Variants in CHD6 observed in about 807,000 individuals in gnomAD.
CHD6 encodes ATP-dependent chromatin remodeler CHD6.
A neutral mutation model predicts 276.9 loss-of-function variants in CHD6; 50 were observed. The ratio of observed to expected loss-of-function variants is 0.18; its 90% confidence interval spans 0.14 to 0.23. CHD6 has a LOEUF of 0.23. Among genes scored for constraint, CHD6 ranks in the 10% least tolerant of loss-of-function variants. The pLI is 1.00. For missense variants in CHD6, 2,564 were observed against 3,365.8 expected (o/e 0.76, Z 5.89); for synonymous variants, 1,173 against 1,229.3 (o/e 0.95, Z 0.96).
intron 27 of CHD6, among the ~76,000 whole-genome samples, chr20:41,427,286 C>A (rs1157976403): frequency 6.6e-6 from 1 of 151,658 alleles, no homozygotes; most frequent in East Asian, 1.9e-4. Context: ...GCCCCTGATA[C>A]GACGCAAAGA....
chr20:41,458,502 C>A (rs952565761), intron 17 of CHD6, among the ~76,000 whole-genome samples: 1 of 151,958 alleles, frequency 6.6e-6, no homozygotes, highest in South Asian at 2.1e-4. Flanking sequence ...AAAAGGAAGA[C>A]GAGAATCAAC....
At chr20:41,587,629 A>G (rs1294513302) in intron 1 of CHD6, among the ~76,000 whole-genome samples, 3 of 152,194 alleles carry the variant, frequency 2.0e-5, no homozygotes. Flanking sequence ...GTAAGTGGGG[A>G]ACTGATCACA....
At chr20:41,491,339 T>TA (rs1231639143) in intron 11 of CHD6, among the ~76,000 whole-genome samples, 1 of 148,846 alleles carries the variant, frequency 6.7e-6, no homozygotes, top group African/African-American at 2.4e-5. Context: ...TATATATATA[T>TA]TTTTTGGTTT....
chr20:41,431,762 G>A (rs1204520603), intron 27 of CHD6, among the ~76,000 whole-genome samples: 3 of 114,926 alleles, frequency 2.6e-5, no homozygotes, highest in Non-Finnish European at 5.5e-5. Context: ...GGAATGACAT[G>A]ATGAAAAAAC....
chr20:41,427,032 C>T (rs925298438), intron 27 of CHD6, among the ~76,000 whole-genome samples: 16 of 152,082 alleles, frequency 1.1e-4, no homozygotes, highest in African/African-American at 3.6e-4. Context: ...CAGCAAACTG[C>T]GGCCTGCAGA....
intron 8 of CHD6, among the ~76,000 whole-genome samples, chr20:41,495,726 A>G (rs750518759): frequency 6.6e-6 from 1 of 152,274 alleles, no homozygotes; most frequent in South Asian, 2.1e-4. Flanking sequence ...ACGTTAAAAC[A>G]TCAAGTTGTA....
Position 41,552,048 on chromosome 20 carries a change from T to C in CHD6, c.-23-688A>G, listed in dbSNP as rs894178487. Among the ~76,000 whole-genome samples, 8 of 152,194 alleles carry C rather than the reference T, an allele frequency of 5.3e-5. No individual in the cohort carries two copies. The East Asian group carries it at 5.8e-4, about 11-fold the overall frequency. On this transcript the variant is annotated intron_variant, in intron 1 of 36. Coordinates refer to ENST00000373233, the MANE Select transcript of CHD6 (RefSeq NM_032221.5). The stretch of plus-strand genomic sequence containing the variant: ...ACCATAAAAGCCCAGTAATTGTCTT[T>C]AGAGGTACAAAAGTGTGTCGGGGCA...
At chr20:41,415,008 G>C (rs2046949910) in intron 34 of CHD6, 178 bp downstream of exon 34, 19 of 1,433,432 alleles carry the variant, frequency 1.3e-5, no homozygotes, top group East Asian at 2.5e-5. Context: ...CGCCATTAAT[G>C]AGTTAGTAAC....
chr20:41,549,114 A>G (rs934285616), intron 2 of CHD6, among the ~76,000 whole-genome samples: 2 of 151,788 alleles, frequency 1.3e-5, no homozygotes, highest in African/African-American at 2.4e-5. Context: ...AACTAGAAAT[A>G]CCATTTGACC....
At chr20:41,559,857 T>G (rs1171681152) in intron 1 of CHD6, among the ~76,000 whole-genome samples, 1 of 151,662 alleles carries the variant, frequency 6.6e-6, no homozygotes, top group Non-Finnish European at 1.5e-5. Context: ...CGAAACTCAG[T>G]ACCACCTTTA....
At chr20:41,591,558 T>C (rs913891190) in intron 1 of CHD6, among the ~76,000 whole-genome samples, 17 of 152,000 alleles carry the variant, frequency 1.1e-4, no homozygotes, top group African/African-American at 2.4e-4. Context: ...CTGGGCATGG[T>C]AGCGTGTGCC....
At position 41,421,646 on chromosome 20, in the gene CHD6, C is replaced by T. The variant is rs1426534549; in HGVS notation, c.4989G>A (p.Val1663=). ...ESLENEPENL[V]RVESRDDHLS... Reference sequence around the variant, plus strand: ...GATGATCATCTCTGCTTTCTACTCTCACTAGATTTTCAGGTTCATTTTCAA... The same window carrying T: ...GATGATCATCTCTGCTTTCTACTCTTACTAGATTTTCAGGTTCATTTTCAA... Residue 1663 remains valine, a synonymous_variant, in exon 31 of 37, where the codon GTG becomes GTA. Coordinates refer to ENST00000373233, the MANE Select transcript of CHD6 (RefSeq NM_032221.5). 3 of 1,613,536 alleles carry T rather than the reference C, an allele frequency of 1.9e-6. No individual in the cohort carries two copies. The African/African-American group carries it at 4.0e-5, about 22-fold the overall frequency.
rs1434677922 is a variant in CHD6, at chr20:41,533,192, T to C, written c.412A>G (p.Lys138Glu). 6.2e-7 allele frequency: 1 copy of C among 1,613,954 alleles called. No homozygotes were observed. Among genetic ancestry groups the C allele is most frequent in the Admixed American group, 1.7e-5 (1 of 60,028 alleles). Residue 138 changes from lysine to glutamate, a missense_variant, in exon 3 of 37, where the codon AAG becomes GAG. Physicochemically the swap from Lys to Glu is moderately conservative, Grantham distance 56 (BLOSUM62 1). This residue lies in a region of CHD6 where 286 missense variants were observed against 297.8 expected (regional missense o/e 0.96). Coordinates refer to ENST00000373233, the MANE Select transcript of CHD6 (RefSeq NM_032221.5). ...KEPRKAKEPK[K>E]AKEHKEPKQK... ...TTCGGCTCCTTGTGCTCCTTGGCCT[T>C]CTTCGGCTCCTTGGCCTTTCTGGGT... is the stretch of plus-strand genomic sequence containing the variant.
At chr20:41,559,386 C>T (rs891429601) in intron 1 of CHD6, among the ~76,000 whole-genome samples, 2 of 152,192 alleles carry the variant, frequency 1.3e-5, no homozygotes, top group African/African-American at 2.4e-5. Flanking sequence ...TGAACAAATC[C>T]TCTACACACC....
chr20:41,565,937 G>A (rs1568706761), intron 1 of CHD6, among the ~76,000 whole-genome samples: 2 of 152,188 alleles, frequency 1.3e-5, no homozygotes, highest in Non-Finnish European at 2.9e-5. Context: ...TCTAGCCTGG[G>A]AGACTGGGAA....
At chr20:41,580,645 C>CAAAAAAAAAAAAA in intron 1 of CHD6, among the ~76,000 whole-genome samples, 1 of 69,280 alleles carries the variant, frequency 1.4e-5, no homozygotes, top group Non-Finnish European at 2.8e-5. Context: ...AACCCAGTCT[C>CAAAAAAAAAAAAA]AAAAAAAAAA....
At chr20:41,551,248 T>C (rs1412546791) in intron 2 of CHD6, 57 bp downstream of exon 2, 18 of 1,167,110 alleles carry the variant, frequency 1.5e-5, no homozygotes, top group East Asian at 2.4e-5. Flanking sequence ...TCTCCCCTTG[T>C]TGAAAAAGCA....
Position 41,425,326 on chromosome 20 carries a change from G to A in CHD6, c.4198C>T (p.Arg1400Cys), listed in dbSNP as rs138082074. 4.3e-6 allele frequency: 7 copies of A among 1,614,088 alleles called. No individual in the cohort carries two copies. Among genetic ancestry groups the A allele is most frequent in the African/African-American group, 1.3e-5 (1 of 74,936 alleles). Reference sequence around the variant, plus strand: ...CAGCGCTGGTAAACAGTGACCAGACGTCTGAGACGAGCTGTGAGGGCGGAG... The same window carrying A: ...CAGCGCTGGTAAACAGTGACCAGACATCTGAGACGAGCTGTGAGGGCGGAG... ...VSSALTARLR[R>C]LVTVYQRCNR... Residue 1400 changes from arginine to cysteine, a missense_variant, in exon 29 of 37, where the codon CGT becomes TGT. Physicochemically the swap from Arg to Cys is radical, Grantham distance 180. Transcript: ENST00000373233.
rs2048409137 is a variant in CHD6 at position 41,457,426 on chromosome 20, A to T, written c.2667T>A (p.Ala889=). 1 of 1,608,200 alleles carries T rather than the reference A, an allele frequency of 6.2e-7. No individual in the cohort carries two copies. The highest frequency in any genetic ancestry group is 1.3e-5 in the African/African-American group (1 of 74,956). The change falls in exon 18 of 37, where the codon GCT becomes GCA. Residue 889 remains alanine (A), a splice_region_variant and synonymous_variant. Transcript: ENST00000373233. ...SDWNPQNDLQ[A]QARCHRIGQS... is the part of the protein sequence containing the mutation. ...GGCCTATGCGGTGACATCGGGCCTG[A>T]GCCTGGGAAGAAGAAGAGTCATATG...
Sources: allele counts gnomAD v4.1 joint callset (sites outside exome capture counted in the v4.1 genomes callset), GRCh38; gene constraint gnomAD v4.1.1; regional missense constraint gnomAD v4.1.1; transcripts MANE v1.5; gene names NCBI Gene and HGNC (gene_info 2026-07-23, HGNC 2026-07-21).